The following KHDRBS2 variants were observed in gnomAD, a reference collection of about 807,000 sequenced individuals.
KHDRBS2 encodes the protein KH RNA binding domain containing, signal transduction associated 2, also known as KH domain-containing, RNA-binding, signal transduction-associated protein 2.
A neutral mutation model predicts 44.3 loss-of-function variants in KHDRBS2; 26 were observed. The ratio of observed to expected loss-of-function variants is 0.59; its 90% confidence interval spans 0.43 to 0.81. KHDRBS2 has a LOEUF of 0.81. Among genes scored for constraint, KHDRBS2 ranks in the 40% least tolerant of loss-of-function variants. The pLI, the probability that KHDRBS2 is intolerant of heterozygous loss-of-function variation, is 0.00. For missense variants in KHDRBS2, 476 were observed against 433.1 expected, an observed-to-expected ratio of 1.10 and a Z score of -0.88; for synonymous variants, 194 against 151.1, an observed-to-expected ratio of 1.28 and a Z score of -2.08.
intron 1 of KHDRBS2, among the ~76,000 whole-genome samples, chr6:62,218,822 G>C (rs1830432496): frequency 6.6e-6 from 1 of 151,758 alleles, no homozygotes; most frequent in South Asian, 2.1e-4. Flanking sequence ...TATCCACAAT[G>C]AAATACTGTT....
chr6:61,902,337 T>G (rs1804207465), intron 4 of KHDRBS2, among the ~76,000 whole-genome samples: 4 of 152,158 alleles, frequency 2.6e-5, no homozygotes, highest in Admixed American at 2.6e-4. Context: ...AAGGTAAATT[T>G]CACAATAACA....
chr6:61,614,990 T>C, the KHDRBS2 span, among the ~76,000 whole-genome samples: 2 of 151,582 alleles, frequency 1.3e-5, no homozygotes, highest in South Asian at 4.2e-4. Context: ...TCCCAGCACG[T>C]TGGGAGACTG....
chr6:61,563,250 T>C, the KHDRBS2 span, among the ~76,000 whole-genome samples: 1 of 152,226 alleles, frequency 6.6e-6, no homozygotes, highest in Admixed American at 6.6e-5. Context: ...CTACATTTTA[T>C]TGCTTTTGTC....
intron 4 of KHDRBS2, among the ~76,000 whole-genome samples, chr6:61,937,202 T>C (rs1811186554): frequency 1.3e-5 from 2 of 152,058 alleles, no homozygotes; most frequent in African/African-American, 2.4e-5. Context: ...ACCCATCCCA[T>C]TGAGTTTTTT....
chr6:61,707,125 A>G (rs1769719992), intron 7 of KHDRBS2, among the ~76,000 whole-genome samples: 1 of 151,754 alleles, frequency 6.6e-6, no homozygotes, highest in South Asian at 2.1e-4. Flanking sequence ...TTGGAAATTC[A>G]GAGGAAGAGC....
At chr6:61,827,980 T>C (rs1269295770) in intron 6 of KHDRBS2, among the ~76,000 whole-genome samples, 1 of 152,170 alleles carries the variant, frequency 6.6e-6, no homozygotes, top group African/African-American at 2.4e-5. Flanking sequence ...AAGTGGAGAT[T>C]CTGCACAATT....
intron 1 of KHDRBS2, among the ~76,000 whole-genome samples, chr6:62,209,618 G>A (rs1281995180): frequency 6.6e-6 from 1 of 152,154 alleles, no homozygotes; most frequent in Non-Finnish European, 1.5e-5. Context: ...TCGTTCCTGG[G>A]TGTGTTTATG....
chr6:62,096,028 T>A (rs866270302), intron 2 of KHDRBS2, among the ~76,000 whole-genome samples: 2 of 152,036 alleles, frequency 1.3e-5, no homozygotes, highest in South Asian at 4.1e-4. Flanking sequence ...CATTTATTGA[T>A]TTGCGTATAT....
At chr6:62,213,095 T>C (rs1458745636) in intron 1 of KHDRBS2, among the ~76,000 whole-genome samples, 1 of 152,180 alleles carries the variant, frequency 6.6e-6, no homozygotes, top group Non-Finnish European at 1.5e-5. Context: ...TCAGCAGACG[T>C]AGCAAGTGTA....
At chr6:62,264,656 C>T (rs542395312) in intron 1 of KHDRBS2, among the ~76,000 whole-genome samples, 1 of 151,800 alleles carries the variant, frequency 6.6e-6, no homozygotes, top group Admixed American at 6.6e-5. Context: ...CAATAATTGA[C>T]CGATTTTACA....
At chr6:61,597,773 T>TATATATATATATATA in the KHDRBS2 span, among the ~76,000 whole-genome samples, 1 of 42,330 alleles carries the variant, frequency 2.4e-5, no homozygotes, top group African/African-American at 8.6e-5. Flanking sequence ...TATATATATA[T>TATATATATATATATA]ACACCAAGAT....
intron 1 of KHDRBS2, among the ~76,000 whole-genome samples, chr6:62,177,925 C>T (rs1585078174): frequency 6.6e-6 from 1 of 151,250 alleles, no homozygotes; most frequent in East Asian, 1.9e-4. Context: ...TTACCAAATT[C>T]GATATTTTGG....
At chr6:61,672,533 C>T in the KHDRBS2 span, among the ~76,000 whole-genome samples, 26 of 152,102 alleles carry the variant, frequency 1.7e-4, no homozygotes, top group Admixed American at 1.2e-3. Context: ...TCAATGATTG[C>T]CATTCTAACT....
At chr6:61,557,469 G>T in the KHDRBS2 span, among the ~76,000 whole-genome samples, 1 of 152,116 alleles carries the variant, frequency 6.6e-6, no homozygotes, top group Non-Finnish European at 1.5e-5. Context: ...CATTGTGAAT[G>T]GTAGGACACT....
the KHDRBS2 span, among the ~76,000 whole-genome samples, chr6:61,607,951 G>A: frequency 6.6e-6 from 1 of 152,188 alleles, no homozygotes; most frequent in Admixed American, 6.5e-5. Flanking sequence ...GCCTCCCAAA[G>A]TGCTGGGATT....
intron 4 of KHDRBS2, among the ~76,000 whole-genome samples, chr6:61,960,094 C>A (rs1768308262): frequency 6.6e-6 from 1 of 151,962 alleles, no homozygotes. Context: ...ACTTTTCAGG[C>A]CCTTGCTTGG....
the KHDRBS2 span, among the ~76,000 whole-genome samples, chr6:61,624,397 A>G: frequency 6.6e-6 from 1 of 152,240 alleles, no homozygotes; most frequent in African/African-American, 2.4e-5. Flanking sequence ...CAATTCAAGT[A>G]CATTGGTGTT....
chr6:61,986,157 G>A (rs1458965442), intron 3 of KHDRBS2, among the ~76,000 whole-genome samples: 1 of 152,112 alleles, frequency 6.6e-6, no homozygotes, highest in Non-Finnish European at 1.5e-5. Flanking sequence ...GGAGACTGCG[G>A]ACCTCTCATG....
At chr6:61,722,863 C>A (rs1284627587) in intron 7 of KHDRBS2, among the ~76,000 whole-genome samples, 1 of 151,984 alleles carries the variant, frequency 6.6e-6, no homozygotes, top group African/African-American at 2.4e-5. Context: ...GCGCCCACCA[C>A]CATGCCTGGC....
Sources: gnomAD v4.1 joint callset for allele counts (sites outside exome capture counted in the v4.1 genomes callset) on GRCh38, gnomAD v4.1.1 for gene constraint, MANE v1.5 for transcripts, NCBI Gene and HGNC (gene_info 2026-07-23, HGNC 2026-07-21) for gene names.